The following FRMD5 variants were observed in gnomAD, a reference collection of about 807,000 sequenced individuals.
FRMD5 encodes the protein FERM domain containing 5.
FRMD5 carries 20 observed loss-of-function variants against 69.0 expected under a neutral mutation model. That is an observed-to-expected ratio of 0.29 (90% CI 0.20 to 0.42). The LOEUF (loss-of-function observed/expected upper bound fraction) is 0.42. Among genes scored for constraint, FRMD5 ranks in the 10% least tolerant of loss-of-function variants. The pLI, the probability that FRMD5 is intolerant of heterozygous loss-of-function variation, is 1.00. For missense variants in FRMD5, 595 were observed against 708.6 expected, an observed-to-expected ratio of 0.84 and a Z score of 1.82; for synonymous variants, 271 against 260.1, an observed-to-expected ratio of 1.04 and a Z score of -0.40.
At chr15:43,964,407 C>G (rs2090257648) in intron 1 of FRMD5, among the ~76,000 whole-genome samples, 4 of 151,168 alleles carry the variant, frequency 2.6e-5, no homozygotes, top group African/African-American at 7.3e-5. Context: ...TGGGTCATGC[C>G]TGTAATCCCA....
At chr15:44,039,735 G>C (rs1393247148) in intron 1 of FRMD5, among the ~76,000 whole-genome samples, 2 of 152,082 alleles carry the variant, frequency 1.3e-5, no homozygotes, top group Non-Finnish European at 2.9e-5. Flanking sequence ...GTGCAAAAAG[G>C]CTGAAAATTC....
At chr15:44,037,179 T>A (rs1891956728) in intron 1 of FRMD5, among the ~76,000 whole-genome samples, 1 of 152,088 alleles carries the variant, frequency 6.6e-6, no homozygotes, top group Non-Finnish European at 1.5e-5. Flanking sequence ...GATATTTCCC[T>A]CCCTGTATTC....
intron 1 of FRMD5, among the ~76,000 whole-genome samples, chr15:43,927,036 C>T (rs1024960461): frequency 1.3e-5 from 2 of 151,716 alleles, no homozygotes; most frequent in Admixed American, 1.3e-4. Flanking sequence ...ATATTCCACC[C>T]CTTGGTTAAA....
At chr15:44,098,174 T>C (rs1241018118) in intron 1 of FRMD5, among the ~76,000 whole-genome samples, 1 of 150,438 alleles carries the variant, frequency 6.6e-6, no homozygotes. Context: ...CAAGCTTCAA[T>C]GATTATGTTA....
chr15:44,120,578 G>T (rs1378790754), intron 1 of FRMD5, among the ~76,000 whole-genome samples: 2 of 142,360 alleles, frequency 1.4e-5, no homozygotes, highest in Admixed American at 1.5e-4. Context: ...CTGTCGCCCA[G>T]GCTGGAGTGC....
At chr15:43,949,034 TCTG>T (rs1462719977) in intron 1 of FRMD5, among the ~76,000 whole-genome samples, 1 of 152,250 alleles carries the variant, frequency 6.6e-6, no homozygotes, top group Non-Finnish European at 1.5e-5. Context: ...ATGGGACACT[TCTG>T]CTTCACAGAC....
At chr15:43,912,702 G>A (rs767246485) in intron 4 of FRMD5, among the ~76,000 whole-genome samples, 106 of 151,992 alleles carry the variant, frequency 7.0e-4, no homozygotes, top group Non-Finnish European at 1.3e-3. Flanking sequence ...TGTATGTGTT[G>A]GGGGTGCTCC....
At chr15:43,966,718 C>T (rs188845427) in intron 1 of FRMD5, among the ~76,000 whole-genome samples, 14 of 152,270 alleles carry the variant, frequency 9.2e-5, no homozygotes, top group African/African-American at 3.4e-4. Flanking sequence ...AGGTTTAGAA[C>T]ATGAATGGTT....
At chr15:44,170,968 G>A (rs551053378) in intron 1 of FRMD5, among the ~76,000 whole-genome samples, 17 of 151,892 alleles carry the variant, frequency 1.1e-4, no homozygotes, top group African/African-American at 3.9e-4. Context: ...TACCTATATT[G>A]CTCTATCTCA....
At chr15:43,896,971 T>C (rs942733953) in intron 7 of FRMD5, among the ~76,000 whole-genome samples, 3 of 151,974 alleles carry the variant, frequency 2.0e-5, no homozygotes, top group Non-Finnish European at 2.9e-5. Flanking sequence ...TAAACTAGAA[T>C]GGAAATGAAG....
At chr15:44,165,081 T>C (rs2077686327) in intron 1 of FRMD5, among the ~76,000 whole-genome samples, 1 of 152,204 alleles carries the variant, frequency 6.6e-6, no homozygotes, top group Admixed American at 6.5e-5. Flanking sequence ...ATAAAATTTC[T>C]GAGCTACCCA....
intron 1 of FRMD5, among the ~76,000 whole-genome samples, chr15:44,180,419 C>G (rs1047661764): frequency 6.6e-6 from 1 of 152,094 alleles, no homozygotes; most frequent in Non-Finnish European, 1.5e-5. Flanking sequence ...TTATCAGTAC[C>G]TTCATTTTAA....
intron 1 of FRMD5, 82 bp from the exon 2 acceptor site, chr15:43,924,391 GT>G: frequency 2.2e-6 from 2 of 914,882 alleles, no homozygotes; most frequent in South Asian, 2.9e-5. Flanking sequence ...ATTAAAAGTT[GT>G]TTGTAACTGT....
At chr15:44,170,083 G>A (rs537730859) in intron 1 of FRMD5, among the ~76,000 whole-genome samples, 17 of 152,004 alleles carry the variant, frequency 1.1e-4, no homozygotes, top group African/African-American at 2.9e-4. Flanking sequence ...CTTTTGCCAC[G>A]TGGTTGCTTT....
At chr15:44,074,178 T>C (rs1051355290) in intron 1 of FRMD5, among the ~76,000 whole-genome samples, 2 of 152,218 alleles carry the variant, frequency 1.3e-5, no homozygotes, top group African/African-American at 2.4e-5. Context: ...GACAATATTA[T>C]TGATTTTTAG....
At chr15:44,030,856 G>A (rs1201049414) in intron 1 of FRMD5, among the ~76,000 whole-genome samples, 2 of 152,006 alleles carry the variant, frequency 1.3e-5, no homozygotes, top group African/African-American at 4.8e-5. Flanking sequence ...AGAGTGCAAA[G>A]TCTGAAAAAG....
At chr15:44,000,491 G>A (rs1890163503) in intron 1 of FRMD5, among the ~76,000 whole-genome samples, 5 of 148,480 alleles carry the variant, frequency 3.4e-5, no homozygotes, top group African/African-American at 5.0e-5. Context: ...ACAGAGTCTC[G>A]CTGTATCCCC....
At chr15:44,086,710 A>T (rs1431780244) in intron 1 of FRMD5, among the ~76,000 whole-genome samples, 1 of 152,208 alleles carries the variant, frequency 6.6e-6, no homozygotes, top group African/African-American at 2.4e-5. Context: ...ATTTTATATT[A>T]TGTGTATTTA....
intron 8 of FRMD5, among the ~76,000 whole-genome samples, chr15:43,889,080 A>T (rs1249805420): frequency 6.6e-6 from 1 of 152,170 alleles, no homozygotes; most frequent in East Asian, 1.9e-4. Flanking sequence ...GGTCAATCAC[A>T]CTATAGTAAT....
Sources: gnomAD v4.1 joint callset for allele counts (sites outside exome capture counted in the v4.1 genomes callset) on GRCh38, gnomAD v4.1.1 for gene constraint, MANE v1.5 for transcripts, NCBI Gene and HGNC (gene_info 2026-07-23, HGNC 2026-07-21) for gene names.